The following SLC35F1 variants were observed in gnomAD, a reference collection of about 807,000 sequenced individuals.
The protein encoded by SLC35F1 is chromosome 6 open reading frame 169.
A neutral mutation model predicts 48.7 loss-of-function variants in SLC35F1; 14 were observed. The observed-to-expected ratio is 0.29, with a 90% CI of 0.19 to 0.45. SLC35F1 has a LOEUF of 0.45. Ranked by LOEUF, SLC35F1 falls within the 20% of genes least tolerant of loss-of-function variation. The pLI is 1.00. For missense variants in SLC35F1, 404 were observed against 500.0 expected (o/e 0.81, Z 1.83); for synonymous variants, 190 against 202.2 (o/e 0.94, Z 0.51).
chr6:118,204,806 T>C (rs963293538), intron 2 of SLC35F1, among the ~76,000 whole-genome samples: 2 of 152,196 alleles, frequency 1.3e-5, no homozygotes, highest in African/African-American at 4.8e-5. Flanking sequence ...TAACCTCTAT[T>C]AGTCTACTTT....
chr6:118,075,901 C>T (rs1056395551), intron 1 of SLC35F1, among the ~76,000 whole-genome samples: 4 of 152,270 alleles, frequency 2.6e-5, no homozygotes, highest in Admixed American at 2.0e-4. Context: ...TAAAAATGGG[C>T]TTTTCTTCCA....
At position 117,982,558 on chromosome 6, in the gene SLC35F1, G is replaced by A. The variant is rs528886250; in HGVS notation, c.173+74659G>A. 4.7e-4 allele frequency among the ~76,000 whole-genome samples: 71 copies of A among 152,284 alleles called. No homozygotes were observed. The Middle Eastern group carries it at 0.014, about 29-fold the overall frequency. ...AACATTAGCAGTGGTGAATAATGTG[G>A]GATGATGAGTTGACATTTAATTGGA... On this transcript the variant is annotated intron_variant, in intron 1 of 7. Transcript: ENST00000360388.
chr6:118,194,885 G>T (rs969265024), intron 2 of SLC35F1, among the ~76,000 whole-genome samples: 3 of 152,110 alleles, frequency 2.0e-5, no homozygotes, highest in South Asian at 2.1e-4. Context: ...CAACACAAAA[G>T]AAAATCTTTT....
chr6:118,090,451 A>T (rs1773056577), intron 1 of SLC35F1, among the ~76,000 whole-genome samples: 1 of 152,234 alleles, frequency 6.6e-6, no homozygotes, highest in African/African-American at 2.4e-5. Context: ...TACTACTTTA[A>T]ATTGAAATAT....
intron 6 of SLC35F1, among the ~76,000 whole-genome samples, chr6:118,282,667 G>T (rs895936894): frequency 1.3e-5 from 2 of 152,092 alleles, no homozygotes; most frequent in African/African-American, 4.8e-5. Context: ...TGAAAATCTG[G>T]TCCTCTTTTA....
chr6:117,999,407 G>T, intron 1 of SLC35F1: 2 of 1,586,372 alleles, frequency 1.3e-6, no homozygotes, highest in African/African-American at 1.3e-5. Context: ...TCCAGCTCAG[G>T]CTCCCAAAGG....
intron 1 of SLC35F1, among the ~76,000 whole-genome samples, chr6:117,957,347 A>G (rs1185041092): frequency 6.6e-6 from 1 of 152,212 alleles, no homozygotes; most frequent in Non-Finnish European, 1.5e-5. Context: ...TGCTTTAGAA[A>G]GCCACAAGAA....
At chr6:117,965,372 G>A (rs1236165607) in intron 1 of SLC35F1, among the ~76,000 whole-genome samples, 1 of 152,148 alleles carries the variant, frequency 6.6e-6, no homozygotes. Flanking sequence ...TGAGCTACTG[G>A]CAAGCCTTTT....
intron 1 of SLC35F1, among the ~76,000 whole-genome samples, chr6:118,138,197 T>C (rs528010121): frequency 1.3e-5 from 2 of 151,856 alleles, no homozygotes; most frequent in South Asian, 2.1e-4. Context: ...TAGTCCCACC[T>C]ACTCAAGAGG....
intron 1 of SLC35F1, among the ~76,000 whole-genome samples, chr6:117,950,111 G>A (rs946042866): frequency 3.9e-5 from 6 of 152,216 alleles, no homozygotes; most frequent in Admixed American, 6.5e-5. Flanking sequence ...GTTCTTTGGG[G>A]TGTTGTTTCT....
intron 1 of SLC35F1, among the ~76,000 whole-genome samples, chr6:117,924,704 C>A (rs966585020): frequency 2.8e-4 from 42 of 152,016 alleles, no homozygotes; most frequent in Non-Finnish European, 1.0e-4. Flanking sequence ...GTATATGTTG[C>A]TTCACTAAAG....
At chr6:118,050,010 A>G (rs1772363153) in intron 1 of SLC35F1, among the ~76,000 whole-genome samples, 3 of 152,320 alleles carry the variant, frequency 2.0e-5, no homozygotes, top group South Asian at 4.1e-4. Flanking sequence ...TGTGGCACAT[A>G]TACACCATGG....
chr6:118,267,141 A>T lies in SLC35F1; in HGVS notation c.624A>T (p.Arg208Ser). ...TGGGAGCAGATGTGCTTGTGGGAAG[A>T]CATCAGGGAGCAGGTGAGTCTTCGG... ...CMVGADVLVG[R>S]HQGAGENKLV... The change falls in exon 4 of 8, where the codon AGA becomes AGT. Residue 208 changes from arginine to serine, a missense_variant. This residue lies in a region of SLC35F1 where 306 missense variants were observed against 419.1 expected (regional missense o/e 0.73). Coordinates refer to ENST00000360388, the MANE Select transcript of SLC35F1 (RefSeq NM_001029858.4). 2 of 1,613,934 alleles carry T rather than the reference A, an allele frequency of 1.2e-6. No homozygotes were observed. Among genetic ancestry groups the T allele is most frequent in the Non-Finnish European group, 1.7e-6 (2 of 1,179,874 alleles).
At chr6:118,061,172 T>G (rs1772531245) in intron 1 of SLC35F1, among the ~76,000 whole-genome samples, 1 of 152,210 alleles carries the variant, frequency 6.6e-6, no homozygotes, top group Non-Finnish European at 1.5e-5. Flanking sequence ...AGGAGGAGAA[T>G]GGACCATCCA....
chr6:118,263,111 C>T (rs374529225), intron 3 of SLC35F1, among the ~76,000 whole-genome samples: 2 of 152,178 alleles, frequency 1.3e-5, no homozygotes, highest in South Asian at 2.1e-4. Flanking sequence ...GGATGGAGTG[C>T]AGTGGTACAA....
At chr6:118,279,737 C>T (rs1024239547) in intron 6 of SLC35F1, among the ~76,000 whole-genome samples, 6 of 152,276 alleles carry the variant, frequency 3.9e-5, no homozygotes, top group African/African-American at 4.8e-5. Context: ...AGAAGTCACC[C>T]GAGAGGCCAA....
rs1457876896 is a variant in SLC35F1 at position 118,317,434 on chromosome 6, C to T, written c.*3182C>T. On this transcript the variant is annotated 3_prime_UTR_variant, in exon 8 of 8. Transcript: ENST00000360388. ...TTGATTTATAACTATTTAGTAGTCC[C>T]CAGCTAGCTACCAGTACAGATTTTA... 4 of 152,160 alleles carry T rather than the reference C, an allele frequency of 2.6e-5. No individual in the cohort carries two copies. Among genetic ancestry groups the T allele is most frequent in the African/African-American group, 9.6e-5 (4 of 41,468 alleles). 9.4% of individuals were successfully genotyped at this position (152,160 alleles called of 1,614,324 possible). A position where few individuals can be genotyped will look rare whatever the true frequency, so the allele number is the denominator to read the frequency against.
intron 1 of SLC35F1, among the ~76,000 whole-genome samples, chr6:118,045,222 G>T (rs1344498836): frequency 6.6e-6 from 1 of 152,132 alleles, no homozygotes; most frequent in African/African-American, 2.4e-5. Flanking sequence ...TCCATCAGAG[G>T]TTGTATCACT....
intron 1 of SLC35F1, among the ~76,000 whole-genome samples, chr6:117,923,689 A>ATGCACG (rs1775954945): frequency 1.8e-5 from 1 of 55,396 alleles, no homozygotes; most frequent in African/African-American, 6.2e-5. Flanking sequence ...ATATATACAT[A>ATGCACG]TGTACATATA....
Sources: gnomAD v4.1 joint callset for allele counts (sites outside exome capture counted in the v4.1 genomes callset) on GRCh38, gnomAD v4.1.1 for gene constraint, gnomAD v4.1.1 regional missense constraint, MANE v1.5 for transcripts, NCBI Gene and HGNC (gene_info 2026-07-23, HGNC 2026-07-21) for gene names.